Variants in CDC23 observed in about 807,000 individuals in gnomAD.
CDC23 encodes cell division cycle 23, also known as cell division cycle protein 23 homolog.
Under a neutral mutation model 81.7 loss-of-function variants are expected in CDC23, and 26 were observed. That is an observed-to-expected ratio of 0.32 (90% confidence interval 0.23 to 0.44). The LOEUF (loss-of-function observed/expected upper bound fraction) is 0.44, where lower values mean the gene tolerates loss of function less well. Among genes scored for constraint, CDC23 ranks in the 20% least tolerant of loss-of-function variants. CDC23 has a pLI of 1.00. For missense variants in CDC23, 519 were observed against 728.0 expected (o/e 0.71, Z 3.30); for synonymous variants, 267 against 270.8 (o/e 0.99, Z 0.14).
At chr5:138,193,071 A>T (rs1454074434) in intron 9 of CDC23, among the ~76,000 whole-genome samples, 2 of 152,184 alleles carry the variant, frequency 1.3e-5, no homozygotes, top group African/African-American at 4.8e-5. Context: ...CTGGGAGCAC[A>T]GGCACATGCC....
intron 2 of CDC23, 62 bp downstream of exon 2, chr5:138,212,929 C>T (rs1038591041): frequency 1.4e-6 from 2 of 1,394,348 alleles, no homozygotes; most frequent in Non-Finnish European, 2.0e-6. Flanking sequence ...ACAGGGCACT[C>T]AGTGGCTCTT....
chr5:138,198,422 T>G lies in CDC23; in HGVS notation c.930+4A>C. 6.2e-7 allele frequency: 1 copy of G among 1,613,228 alleles called. No individual in the cohort carries two copies. Among genetic ancestry groups the G allele is most frequent in the Non-Finnish European group, 8.5e-7 (1 of 1,179,266 alleles). ...ATCAAATCCAAGCAAGGGAAGCAGC[T>G]CACCCTGACATAAAGAAGGTTGGAG... On this transcript the variant is annotated splice_donor_region_variant and intron_variant, in intron 8 of 15. Transcript: ENST00000394886.
chr5:138,206,033 A>T (rs1755044517), intron 3 of CDC23: 1 of 153,562 alleles, frequency 6.5e-6, no homozygotes, highest in South Asian at 2.1e-4. Flanking sequence ...ATGTTTTTTT[A>T]ATCAATTTAT....
Position 138,198,723 on chromosome 5 carries a change from GTA to G in CDC23, c.712_713del (p.Tyr238HisfsTer18). The G allele has an allele frequency of 6.2e-7, 1 of 1,614,156 alleles. No homozygotes were observed. On this transcript the variant is annotated frameshift_variant, in exon 7 of 16. Transcript: ENST00000394886. LOFTEE classifies it high-confidence loss of function. ...CCTCCTCTATCAACTGCAACTCTGT[GTA>G]TATATGAGCCAGAAAAAACTCTTTC... ...WMKEFFLAHI[Y>X]TELQLIEEAL...
intron 2 of CDC23, among the ~76,000 whole-genome samples, chr5:138,212,338 G>A (rs1411066465): frequency 6.6e-6 from 1 of 152,124 alleles, no homozygotes; most frequent in African/African-American, 2.4e-5. Context: ...TATTTATTTT[G>A]AGACAGTGTC....
At chr5:138,206,407 C>CT (rs940300847) in intron 3 of CDC23, 140 bp downstream of exon 3, 21 of 817,140 alleles carry the variant, frequency 2.6e-5, no homozygotes, top group South Asian at 6.2e-5. Flanking sequence ...TTTATGATAT[C>CT]TTTTTTTTAT....
chr5:138,202,055 G>A (rs902893582), intron 4 of CDC23, 58 bp downstream of exon 4: 4 of 1,193,166 alleles, frequency 3.4e-6, no homozygotes, highest in Admixed American at 1.9e-5. Context: ...GCTGTTGGAG[G>A]CATTTAAGTT....
chr5:138,189,110 T>C lies in CDC23; in HGVS notation c.1662A>G (p.Leu554=), dbSNP rs1754793940. ...GAGTCTCGCCTTGGTTCCGAAGCTG[T>C]AGGATTTGCCGGAGTAAGGCCTTAC... ...EEGKALLRQI[L]QLRNQGETPT... Residue 554 remains leucine (L), a synonymous_variant, in exon 16 of 16, where the codon CTA becomes CTG. Transcript: ENST00000394886. The C allele has an allele frequency of 4.3e-6, 7 of 1,613,944 alleles. No individual in the cohort carries two copies. In the Admixed American group the frequency reaches 8.3e-5, roughly 19 times the overall value.
intron 13 of CDC23, among the ~76,000 whole-genome samples, chr5:138,190,510 TC>T (rs1754814703): frequency 6.7e-6 from 1 of 148,882 alleles, no homozygotes; most frequent in South Asian, 2.1e-4. Context: ...ACACCTGTAA[TC>T]CCAGCACTTT....
At chr5:138,206,838 T>A (rs1334573417) in intron 2 of CDC23, among the ~76,000 whole-genome samples, 154 bp from the exon 3 acceptor site, 1 of 151,348 alleles carries the variant, frequency 6.6e-6, no homozygotes, top group Non-Finnish European at 1.5e-5. Context: ...TATATATAAT[T>A]TTATATATTT....
Position 138,191,355 on chromosome 5 carries a change from T to A in CDC23, c.1424+119A>T, listed in dbSNP as rs1754824859. 19 of 883,924 alleles carry A rather than the reference T, an allele frequency of 2.1e-5. 1 individual carries two copies. In the South Asian group the frequency reaches 2.2e-4, roughly 10 times the overall value. 54.8% of individuals were successfully genotyped at this position (883,924 alleles called of 1,614,324 possible). On this transcript the variant is annotated intron_variant, in intron 13 of 15. Transcript: ENST00000394886. ...TTCACAAACCAGCATTCACACACCC[T>A]GCTACATCCCTACACCTATGTAGAA...
At position 138,201,155 on chromosome 5, in the gene CDC23, A is replaced by G. The variant is rs372773511; in HGVS notation, c.606T>C (p.His202=). 159 of 1,614,192 alleles carry G rather than the reference A, an allele frequency of 9.9e-5. No homozygotes were observed. The highest frequency in any genetic ancestry group is 1.3e-4 in the East Asian group (6 of 44,878). Residue 202 remains histidine (H), a synonymous_variant, in exon 6 of 16, where the codon CAT becomes CAC. Coordinates refer to ENST00000394886, the MANE Select transcript of CDC23 (RefSeq NM_004661.4). ...FVEATHVLPL[H]WGAWLELCNL... ...TACAGAGTTCTAACCAGGCTCCCCA[A>G]TGCAAGGGCAAAACATGAGTAGCTT... is the stretch of plus-strand genomic sequence containing the variant.
intron 9 of CDC23, among the ~76,000 whole-genome samples, chr5:138,195,582 TTATATATA>T (rs1185332399): frequency 6.9e-5 from 4 of 58,154 alleles, no homozygotes; most frequent in South Asian, 6.6e-4. Context: ...ATATAATATA[TTATATATA>T]ATATATATTA....
At position 138,195,866 on chromosome 5, in the gene CDC23, C is replaced by T. The variant is rs567186413; in HGVS notation, c.1012+2333G>A. 3.6e-3 allele frequency among the ~76,000 whole-genome samples: 513 copies of T among 141,094 alleles called. 1 individual carries two copies. Among genetic ancestry groups the T allele is most frequent in the African/African-American group, 0.013 (498 of 37,798 alleles). 92.6% of individuals were successfully genotyped at this position (141,094 alleles called of 152,430 possible). A position where few individuals can be genotyped will look rare whatever the true frequency, so the allele number is the denominator to read the frequency against. ...ATATATAAAATAAAATGCTGCCGCT[C>T]AAGTAGAGACTGTGACTGACAGGTA... is the stretch of plus-strand genomic sequence containing the variant. On this transcript the variant is annotated intron_variant, in intron 9 of 15. Transcript: ENST00000394886.
chr5:138,194,706 T>C (rs1359054135), intron 9 of CDC23, among the ~76,000 whole-genome samples: 5 of 151,416 alleles, frequency 3.3e-5, no homozygotes, highest in Non-Finnish European at 5.9e-5. Flanking sequence ...AAACTATGTG[T>C]TTTTTTGGTG....
chr5:138,205,644 G>A (rs1755039183), intron 3 of CDC23, among the ~76,000 whole-genome samples: 1 of 150,632 alleles, frequency 6.6e-6, no homozygotes. Context: ...CATTATGAAT[G>A]CATTTAATAC....
chr5:138,206,878 CT>C (rs905919467), intron 2 of CDC23, among the ~76,000 whole-genome samples, 194 bp from the exon 3 acceptor site: 401 of 131,018 alleles, frequency 3.1e-3, no homozygotes, highest in African/African-American at 8.2e-3. Flanking sequence ...CCATAGAACT[CT>C]TTTTTTTTTT....
intron 5 of CDC23, 37 bp downstream of exon 5, chr5:138,201,306 T>C (rs1232141772): frequency 6.2e-7 from 1 of 1,612,934 alleles, no homozygotes; most frequent in Non-Finnish European, 8.5e-7. Context: ...CTCAGGAGAA[T>C]ATGTTACAGA....
At chr5:138,191,437 A>G (rs756911699) in intron 13 of CDC23, 37 bp downstream of exon 13, 2 of 1,594,898 alleles carry the variant, frequency 1.3e-6, no homozygotes, top group East Asian at 2.2e-5. Flanking sequence ...AGAGAAGCCA[A>G]CAGAAATATC....
Sources: gnomAD v4.1 joint callset for allele counts (sites outside exome capture counted in the v4.1 genomes callset) on GRCh38, gnomAD v4.1.1 for gene constraint, MANE v1.5 for transcripts, NCBI Gene and HGNC (gene_info 2026-07-23, HGNC 2026-07-21) for gene names.